The following PCDH9 variants were observed in gnomAD, a reference collection of about 807,000 sequenced individuals.
PCDH9 encodes the protein protocadherin-9.
Under a neutral mutation model 70.6 loss-of-function variants are expected in PCDH9, and 24 were observed. The ratio of observed to expected loss-of-function variants is 0.34; its 90% CI spans 0.25 to 0.48. The LOEUF (loss-of-function observed/expected upper bound fraction) is 0.48. Among genes scored for constraint, PCDH9 ranks in the 20% least tolerant of loss-of-function variants. The probability of loss-of-function intolerance (pLI) is 0.99; values close to 1 mark genes in which losing one functional copy is unlikely to be tolerated. For synonymous variants in PCDH9, 562 were observed against 558.5 expected (o/e 1.01, Z -0.09); for missense variants, 1,281 against 1,503.6 (o/e 0.85, Z 2.45).
chr13:66,529,979 C>T (rs2138629968), intron 4 of PCDH9, among the ~76,000 whole-genome samples: 1 of 151,938 alleles, frequency 6.6e-6, no homozygotes, highest in East Asian at 1.9e-4. Flanking sequence ...CATAAATACA[C>T]ATACAACACA....
intron 2 of PCDH9, among the ~76,000 whole-genome samples, chr13:67,101,425 T>C (rs2086431985): frequency 6.6e-6 from 1 of 152,194 alleles, no homozygotes; most frequent in Admixed American, 6.5e-5. Flanking sequence ...TAATAGGAAT[T>C]TTAAAAATTC....
chr13:66,314,496 C>T (rs930799875), intron 4 of PCDH9, among the ~76,000 whole-genome samples: 1 of 152,200 alleles, frequency 6.6e-6, no homozygotes, highest in African/African-American at 2.4e-5. Flanking sequence ...TGCACTTCAC[C>T]TATGTGAGCG....
intron 1 of PCDH9, 100 bp from the exon 2 acceptor site, chr13:67,228,675 G>A (rs1354225696): frequency 2.7e-6 from 1 of 375,364 alleles, no homozygotes; most frequent in Non-Finnish European, 4.8e-6. Context: ...TAGTAAACAT[G>A]GCAGTTTGCT....
intron 3 of PCDH9, among the ~76,000 whole-genome samples, chr13:66,662,117 G>A (rs1435659528): frequency 6.6e-6 from 1 of 152,026 alleles, no homozygotes; most frequent in Non-Finnish European, 1.5e-5. Context: ...AACTTTGATT[G>A]CTTCAGTGTA....
At chr13:66,517,848 T>C (rs1044657717) in intron 4 of PCDH9, among the ~76,000 whole-genome samples, 1 of 152,166 alleles carries the variant, frequency 6.6e-6, no homozygotes, top group Non-Finnish European at 1.5e-5. Flanking sequence ...ACTTTTGAAA[T>C]TGGCATTATA....
chr13:67,076,409 T>G (rs1017283825), intron 2 of PCDH9, among the ~76,000 whole-genome samples: 1 of 152,154 alleles, frequency 6.6e-6, no homozygotes, highest in Non-Finnish European at 1.5e-5. Context: ...AGCTGTATAA[T>G]AAAGCCGAAG....
intron 2 of PCDH9, among the ~76,000 whole-genome samples, chr13:67,197,913 A>G (rs1290697139): frequency 6.6e-6 from 1 of 151,838 alleles, no homozygotes; most frequent in Admixed American, 6.6e-5. Flanking sequence ...TTACAATTCT[A>G]TATAAGACAT....
At chr13:66,431,465 T>C (rs1957769695) in intron 4 of PCDH9, among the ~76,000 whole-genome samples, 1 of 152,056 alleles carries the variant, frequency 6.6e-6, no homozygotes, top group African/African-American at 2.4e-5. Flanking sequence ...CTCTACTCCA[T>C]GATCTTATTC....
At chr13:66,656,337 A>T (rs2077928972) in intron 3 of PCDH9, among the ~76,000 whole-genome samples, 1 of 152,278 alleles carries the variant, frequency 6.6e-6, no homozygotes, top group Non-Finnish European at 1.5e-5. Flanking sequence ...ATTAACAGAG[A>T]AGGCTTGCAA....
chr13:66,734,724 T>C (rs4884693), intron 3 of PCDH9, among the ~76,000 whole-genome samples: 43,888 of 152,170 alleles, frequency 0.29, 6,760 homozygotes, highest in East Asian at 0.45. Flanking sequence ...TAGCACTAAC[T>C]ATAGGCTAGG....
At chr13:67,174,877 A>G (rs1473828076) in intron 2 of PCDH9, among the ~76,000 whole-genome samples, 2 of 151,652 alleles carry the variant, frequency 1.3e-5, no homozygotes, top group Non-Finnish European at 2.9e-5. Context: ...AGGTCTTTAA[A>G]TCTCACCATT....
At chr13:66,482,149 G>A (rs1464472001) in intron 4 of PCDH9, among the ~76,000 whole-genome samples, 1 of 152,178 alleles carries the variant, frequency 6.6e-6, no homozygotes, top group East Asian at 1.9e-4. Flanking sequence ...TGTAACTGTA[G>A]CCAAAGCCAT....
intron 4 of PCDH9, among the ~76,000 whole-genome samples, chr13:66,357,764 G>A (rs1362380036): frequency 6.6e-6 from 1 of 152,000 alleles, no homozygotes; most frequent in Non-Finnish European, 1.5e-5. Flanking sequence ...ACCTATGTGT[G>A]TGCTCTCACA....
At chr13:67,070,676 A>C (rs2085744499) in intron 2 of PCDH9, among the ~76,000 whole-genome samples, 1 of 152,168 alleles carries the variant, frequency 6.6e-6, no homozygotes. Context: ...ATTCAGTCTT[A>C]ATGTATATTT....
intron 3 of PCDH9, among the ~76,000 whole-genome samples, chr13:66,726,149 A>G (rs2079002641): frequency 6.6e-6 from 1 of 152,158 alleles, no homozygotes; most frequent in Non-Finnish European, 1.5e-5. Flanking sequence ...GAAGGGAGAA[A>G]GAGGAGACAT....
chr13:66,774,253 C>T (rs564985163), intron 3 of PCDH9, among the ~76,000 whole-genome samples: 175 of 152,216 alleles, frequency 1.1e-3, no homozygotes, highest in African/African-American at 4.0e-3. Context: ...AGAGAGCCAA[C>T]GTCTGACTCA....
intron 4 of PCDH9, among the ~76,000 whole-genome samples, chr13:66,322,624 T>G (rs1451475790): frequency 6.6e-6 from 1 of 152,068 alleles, no homozygotes; most frequent in African/African-American, 2.4e-5. Flanking sequence ...TGTTGGTGAC[T>G]GCATGATAGA....
chr13:67,084,713 G>A (rs2086058416), intron 2 of PCDH9, among the ~76,000 whole-genome samples: 1 of 151,734 alleles, frequency 6.6e-6, no homozygotes, highest in Non-Finnish European at 1.5e-5. Flanking sequence ...GCTCACGCCT[G>A]TAATCCTAGC....
chr13:66,541,772 C>T (rs1334856673), intron 4 of PCDH9, among the ~76,000 whole-genome samples: 3 of 152,096 alleles, frequency 2.0e-5, no homozygotes, highest in Non-Finnish European at 4.4e-5. Context: ...ACATGAGTTT[C>T]GGGTGGAAAC....
Sources: gnomAD v4.1 joint callset for allele counts (sites outside exome capture counted in the v4.1 genomes callset) on GRCh38, gnomAD v4.1.1 for gene constraint, MANE v1.5 for transcripts, NCBI Gene and HGNC (gene_info 2026-07-23, HGNC 2026-07-21) for gene names.